The following THSD4 variants were observed in gnomAD, a reference collection of about 807,000 sequenced individuals.
THSD4 encodes thrombospondin type 1 domain containing 4, also known as thrombospondin type-1 domain-containing protein 4.
Under a neutral mutation model 119.0 loss-of-function variants are expected in THSD4, and 69 were observed. The observed-to-expected ratio is 0.58, with a 90% CI of 0.48 to 0.71. The LOEUF is 0.71. THSD4 is among the 30% of genes least tolerant of loss of function. THSD4 has a pLI of 0.00. For synonymous variants in THSD4, 524 were observed against 540.4 expected (o/e 0.97, Z 0.42); for missense variants, 1,393 against 1,391.1 (o/e 1.00, Z -0.02).
chr15:71,567,602 C>CACA (rs1555427640), intron 7 of THSD4, among the ~76,000 whole-genome samples: 11 of 142,506 alleles, frequency 7.7e-5, no homozygotes, highest in African/African-American at 2.5e-4. Context: ...AGACACCCCC[C>CACA]CACACACACA....
intron 1 of THSD4, among the ~76,000 whole-genome samples, chr15:71,134,434 T>C (rs570427865): frequency 5.3e-5 from 8 of 152,202 alleles, no homozygotes; most frequent in Non-Finnish European, 1.0e-4. Flanking sequence ...ATTCTCTTCC[T>C]AGGGCAGTCT....
chr15:71,440,898 T>A (rs2047078955), intron 7 of THSD4, among the ~76,000 whole-genome samples: 2 of 152,210 alleles, frequency 1.3e-5, no homozygotes, highest in Admixed American at 1.3e-4. Flanking sequence ...AGCAATTATG[T>A]ATGGACATGC....
At chr15:71,587,800 G>GAAAAAAAA (rs1555429620) in intron 7 of THSD4, among the ~76,000 whole-genome samples, 1 of 39,140 alleles carries the variant, frequency 2.6e-5, no homozygotes, top group East Asian at 2.0e-3. Flanking sequence ...AAAAAAAAAA[G>GAAAAAAAA]AAAAAAAAAA....
chr15:71,206,304 GC>G (rs901412274), intron 3 of THSD4, among the ~76,000 whole-genome samples: 36 of 152,208 alleles, frequency 2.4e-4, no homozygotes, highest in African/African-American at 8.4e-4. Flanking sequence ...GAGCCACCGC[GC>G]CCGGCCACGT....
chr15:71,601,884 C>T (rs2050017660), intron 7 of THSD4, among the ~76,000 whole-genome samples: 1 of 152,196 alleles, frequency 6.6e-6, no homozygotes, highest in African/African-American at 2.4e-5. Flanking sequence ...GTTTGATTAG[C>T]CTGGAGTCAT....
chr15:71,209,707 G>A (rs2043873155), intron 3 of THSD4, among the ~76,000 whole-genome samples: 2 of 152,182 alleles, frequency 1.3e-5, no homozygotes, highest in South Asian at 2.1e-4. Context: ...GTCTATGGGT[G>A]ATATGGTTGT....
intron 6 of THSD4, among the ~76,000 whole-genome samples, chr15:71,259,008 G>A (rs1017631040): frequency 3.9e-5 from 6 of 152,116 alleles, no homozygotes; most frequent in Non-Finnish European, 8.8e-5. Context: ...AGCTACTTGG[G>A]AGGCTGAGGC....
At chr15:71,247,485 G>A (rs1273946194) in intron 5 of THSD4, among the ~76,000 whole-genome samples, 4 of 152,174 alleles carry the variant, frequency 2.6e-5, no homozygotes, top group East Asian at 1.9e-4. Context: ...ATGTGCCACC[G>A]CACACGCCAC....
chr15:71,369,079 C>G (rs2046007574), intron 6 of THSD4, among the ~76,000 whole-genome samples: 1 of 151,788 alleles, frequency 6.6e-6, no homozygotes, highest in South Asian at 2.1e-4. Flanking sequence ...TGATTTGGCT[C>G]TCTGTCTGTT....
At chr15:71,190,707 G>A (rs2043663584) in intron 3 of THSD4, among the ~76,000 whole-genome samples, 2 of 152,182 alleles carry the variant, frequency 1.3e-5, no homozygotes, top group Admixed American at 1.3e-4. Flanking sequence ...ATGGGTGGTA[G>A]CCACTGTCCT....
At chr15:71,306,059 G>A (rs1303517170) in intron 6 of THSD4, among the ~76,000 whole-genome samples, 1 of 152,164 alleles carries the variant, frequency 6.6e-6, no homozygotes, top group Non-Finnish European at 1.5e-5. Flanking sequence ...TGTAATCCCA[G>A]CACTTTGTGA....
intron 1 of THSD4, among the ~76,000 whole-genome samples, chr15:71,131,680 GA>G (rs1473518578): frequency 6.6e-6 from 1 of 152,148 alleles, no homozygotes; most frequent in African/African-American, 2.4e-5. Flanking sequence ...TTTTTCACCA[GA>G]AGATTTCCTC....
chr15:71,748,343 G>A, intron 13 of THSD4, 78 bp from the exon 14 acceptor site: 2 of 1,555,306 alleles, frequency 1.3e-6, no homozygotes, highest in South Asian at 2.4e-5. Flanking sequence ...GATCACAAAG[G>A]CTGCGGGCTC....
intron 7 of THSD4, among the ~76,000 whole-genome samples, chr15:71,432,032 G>A (rs914068719): frequency 6.6e-6 from 1 of 151,816 alleles, no homozygotes; most frequent in Non-Finnish European, 1.5e-5. Context: ...TATTTTTGTG[G>A]CATACAAGAT....
intron 6 of THSD4, among the ~76,000 whole-genome samples, chr15:71,376,553 G>A (rs956454953): frequency 6.6e-6 from 1 of 152,034 alleles, no homozygotes; most frequent in Non-Finnish European, 1.5e-5. Context: ...TCTCCCCTGG[G>A]ACACACATAA....
At position 71,392,589 on chromosome 15, in the gene THSD4, C is replaced by A. The variant is rs150145402; in HGVS notation, c.1016-19098C>A. 5.3e-3 allele frequency among the ~76,000 whole-genome samples: 812 copies of A among 152,290 alleles called. 2 individuals carry two copies. Among genetic ancestry groups the A allele is most frequent in the African/African-American group, 0.019 (773 of 41,548 alleles). On this transcript the variant is annotated intron_variant, in intron 6 of 17. Transcript: ENST00000261862. ...AAAGGCCTAACCATCATCCTTCCTG[C>A]CACATTTCTTTGAATATAATTACAT...
chr15:71,699,904 G>C (rs1164715319), intron 8 of THSD4, among the ~76,000 whole-genome samples: 3 of 151,890 alleles, frequency 2.0e-5, no homozygotes, highest in Non-Finnish European at 4.4e-5. Flanking sequence ...AAAATTACTT[G>C]ATAATATTTA....
At chr15:71,333,817 G>A (rs991136564) in intron 6 of THSD4, among the ~76,000 whole-genome samples, 6 of 152,198 alleles carry the variant, frequency 3.9e-5, no homozygotes, top group African/African-American at 1.4e-4. Flanking sequence ...TCTCTTACGG[G>A]GCTTAGTAGA....
In THSD4 at chr15:71,242,680, A is replaced by C; in HGVS notation, c.496A>C (p.Lys166Gln). ...SRTRGTIGPG[K>Q]YGYGKAPYIL... ...GACCCGTGGTACCATTGGCCCTGGC[A>C]AGTATGGCTATGGTAAGGCCCCATA... The change falls in exon 5 of 18, where the codon AAG (lysine) becomes CAG (glutamine). Residue 166 changes from lysine to glutamine, a missense_variant. Lys to Gln is a moderately conservative substitution (Grantham distance 53). Transcript: ENST00000261862. The C allele has an allele frequency of 6.2e-7, 1 of 1,614,138 alleles. No homozygotes were observed. The highest frequency in any genetic ancestry group is 8.5e-7 in the Non-Finnish European group (1 of 1,180,002).
Sources: allele counts gnomAD v4.1 joint callset (sites outside exome capture counted in the v4.1 genomes callset), GRCh38; gene constraint gnomAD v4.1.1; transcripts MANE v1.5; gene names NCBI Gene and HGNC (gene_info 2026-07-23, HGNC 2026-07-21).